Variants in FADS2 observed in about 807,000 individuals in gnomAD.
FADS2 encodes the protein acyl-CoA 6-desaturase.
FADS2 carries 18 observed loss-of-function variants against 61.2 expected under a neutral mutation model. That is an observed-to-expected ratio of 0.29 (90% CI 0.20 to 0.44). FADS2 has a LOEUF of 0.44. FADS2 is among the 20% of genes least tolerant of loss of function. The pLI is 1.00. For synonymous variants in FADS2, 203 were observed against 223.9 expected (o/e 0.91, Z 0.83); for missense variants, 322 against 572.7 (o/e 0.56, Z 4.47).
At chr11:61,863,208 G>T in intron 8 of FADS2, 74 bp from the exon 9 acceptor site, 3 of 1,460,390 alleles carry the variant, frequency 2.1e-6, no homozygotes, top group Non-Finnish European at 2.9e-6. Flanking sequence ...TCCTGGGCTG[G>T]TTGGGAGAGT....
chr11:61,817,614 C>CA (rs1365626019), intron 1 of FADS2, among the ~76,000 whole-genome samples: 1 of 152,146 alleles, frequency 6.6e-6, no homozygotes, highest in Non-Finnish European at 1.5e-5. Context: ...TTAGGTGTTT[C>CA]ACCTGAAAAG....
In FADS2 at chr11:61,867,139, T is replaced by A. The variant is rs557580816; in HGVS notation, c.*1450T>A. On this transcript the variant is annotated 3_prime_UTR_variant, in exon 12 of 12. Coordinates refer to ENST00000278840, the MANE Select transcript of FADS2 (RefSeq NM_004265.4). ...GCACCAACAACTCAGAATGGGGGCTTTCGGGGAGGGCGCCTAGTCCCCCCA... is the reference window on the plus strand; with the variant it reads ...GCACCAACAACTCAGAATGGGGGCTATCGGGGAGGGCGCCTAGTCCCCCCA... The A allele has an allele frequency of 6.6e-6, 1 of 152,222 alleles. No homozygotes were observed. Among genetic ancestry groups the A allele is most frequent in the East Asian group, 1.9e-4 (1 of 5,246 alleles). 9.4% of individuals were successfully genotyped at this position (152,222 alleles called of 1,614,324 possible).
Position 61,819,744 on chromosome 11 carries a change from T to C in FADS2, c.141+3318T>C, listed in dbSNP as rs1364070723. On this transcript the variant is annotated intron_variant, in intron 1 of 11. Transcript: ENST00000257261. ...CTTTTATTTTATTATACTTTAAGTTTTAAGGTACATATGCACAACATGGAG... is the reference window on the plus strand; with the variant it reads ...CTTTTATTTTATTATACTTTAAGTTCTAAGGTACATATGCACAACATGGAG... Among the ~76,000 whole-genome samples, 3 of 152,262 alleles carry C rather than the reference T, an allele frequency of 2.0e-5. No individual in the cohort carries two copies. In the East Asian group the frequency reaches 5.8e-4, roughly 29 times the overall value.
In FADS2 at chr11:61,863,011, A is replaced by T. The variant is rs1290774188; in HGVS notation, c.922A>T (p.Ile308Phe). Residue 308 changes from isoleucine (I) to phenylalanine (F), a missense_variant, in exon 8 of 12, where the codon ATC (isoleucine) becomes TTC (phenylalanine). By Grantham distance (21) the Ile-to-Phe change is conservative. Coordinates refer to ENST00000278840, the MANE Select transcript of FADS2 (RefSeq NM_004265.4). ...WAVSYYIRFFITYIPFYGILG... is the reference protein window; with the variant it reads ...WAVSYYIRFFFTYIPFYGILG... ...CGTCAGCTACTACATCCGGTTCTTCATCACCTACATCCCTTTCTACGGCAT... is the reference window on the plus strand; with the variant it reads ...CGTCAGCTACTACATCCGGTTCTTCTTCACCTACATCCCTTTCTACGGCAT... The T allele has an allele frequency of 6.2e-7, 1 of 1,614,078 alleles. No individual in the cohort carries two copies. The highest frequency in any genetic ancestry group is 8.5e-7 in the Non-Finnish European group (1 of 1,180,040).
intron 7 of FADS2, among the ~76,000 whole-genome samples, chr11:61,861,708 G>T (rs1030996981): frequency 2.6e-5 from 4 of 152,168 alleles, no homozygotes; most frequent in African/African-American, 9.7e-5. Flanking sequence ...TCTCCTGAGC[G>T]CTCCCTTCCT....
chr11:61,847,550 A>C (rs2067270786), intron 4 of FADS2: 1 of 153,302 alleles, frequency 6.5e-6, no homozygotes, highest in Admixed American at 6.5e-5. Flanking sequence ...AGCAAGGGTC[A>C]GTGATTCGTT....
intron 10 of FADS2, 39 bp downstream of exon 10, chr11:61,863,825 C>A: frequency 2.6e-6 from 4 of 1,535,954 alleles, no homozygotes; most frequent in South Asian, 2.2e-5. Context: ...AGACCCACAG[C>A]GGGAGGGAAG....
intron 2 of FADS2, 125 bp from the exon 3 acceptor site, chr11:61,840,209 G>C (rs1341099588): frequency 1.2e-5 from 9 of 775,006 alleles, no homozygotes; most frequent in South Asian, 3.1e-5. Flanking sequence ...GAGGCTTGTG[G>C]CTTGGCCCCC....
At chr11:61,858,353 A>G (rs2067383023) in intron 7 of FADS2, among the ~76,000 whole-genome samples, 1 of 151,518 alleles carries the variant, frequency 6.6e-6, no homozygotes, top group African/African-American at 2.4e-5. Flanking sequence ...TAATTTTTGT[A>G]TTTTTAGTAG....
chr11:61,837,957 C>A, intron 2 of FADS2, 69 bp downstream of exon 2: 1 of 1,091,412 alleles, frequency 9.2e-7, no homozygotes, highest in Non-Finnish European at 1.4e-6. Context: ...CTGAGAGAGG[C>A]TCCCCTTGCC....
intron 1 of FADS2, among the ~76,000 whole-genome samples, chr11:61,819,640 A>G (rs558974391): frequency 2.4e-4 from 37 of 152,376 alleles, no homozygotes; most frequent in Middle Eastern, 3.4e-3. Context: ...AATGCCCATC[A>G]GTGAAATATT....
upstream of FADS2, among the ~76,000 whole-genome samples, chr11:61,824,494 GAA>G (rs1565325435): frequency 2.4e-4 from 2 of 8,478 alleles, no homozygotes; most frequent in African/African-American, 3.2e-4. Flanking sequence ...GAGAGAGAAA[GAA>G]AGAAAGGAAA....
intron 4 of FADS2, among the ~76,000 whole-genome samples, chr11:61,841,870 A>T (rs2067220464): frequency 6.6e-6 from 1 of 152,206 alleles, no homozygotes; most frequent in Admixed American, 6.5e-5. Flanking sequence ...GCAGGAGTTA[A>T]GGAAGTTCCA....
intron 1 of FADS2, among the ~76,000 whole-genome samples, chr11:61,834,284 G>A (rs1188051615): frequency 1.3e-5 from 2 of 152,220 alleles, no homozygotes; most frequent in Admixed American, 1.3e-4. Context: ...TTTCTAAAAC[G>A]GCAGGAAGCG....
chr11:61,846,309 G>A (rs1225037362), intron 4 of FADS2, among the ~76,000 whole-genome samples: 1 of 151,696 alleles, frequency 6.6e-6, no homozygotes, highest in Non-Finnish European at 1.5e-5. Flanking sequence ...TAGAGACGGG[G>A]TTTCTCCGTG....
chr11:61,845,509 G>C (rs1269608756), intron 4 of FADS2, among the ~76,000 whole-genome samples: 2 of 152,124 alleles, frequency 1.3e-5, no homozygotes, highest in East Asian at 3.9e-4. Flanking sequence ...GAATGGAAGA[G>C]AGGCCCGGTG....
At chr11:61,828,050 G>C, upstream of FADS2, 2 of 1,183,422 alleles carry the variant, frequency 1.7e-6, no homozygotes, top group Non-Finnish European at 2.1e-6. The surrounding 1 kb of genome is among the most constrained non-coding windows in gnomAD (Gnocchi z 6.4). Context: ...GAGGCGGGGG[G>C]AGCCGGAGGG....
At chr11:61,824,509 AAG>A (rs2067065222), upstream of FADS2, among the ~76,000 whole-genome samples, 4 of 104,976 alleles carry the variant, frequency 3.8e-5, no homozygotes, top group African/African-American at 1.0e-4. Flanking sequence ...AAAGGAAAGA[AAG>A]AAAGAAAGAA....
At chr11:61,829,517 C>T (rs2067110200) in intron 1 of FADS2, among the ~76,000 whole-genome samples, 1 of 152,328 alleles carries the variant, frequency 6.6e-6, no homozygotes, top group African/African-American at 2.4e-5. Context: ...GCACCAGCTA[C>T]CCGCACCGGG....
Sources: gnomAD v4.1 joint callset for allele counts (sites outside exome capture counted in the v4.1 genomes callset) on GRCh38, gnomAD v4.1.1 for gene constraint, Gnocchi (gnomAD v3.1) non-coding constraint, MANE v1.5 for transcripts, NCBI Gene and HGNC (gene_info 2026-07-23, HGNC 2026-07-21) for gene names.